The following ANKRD13B variants were observed in gnomAD, a reference collection of about 807,000 sequenced individuals.
ANKRD13B encodes ankyrin repeat domain 13B.
ANKRD13B carries 33 observed loss-of-function variants against 74.4 expected under a neutral mutation model. The ratio of observed to expected loss-of-function variants is 0.44; its 90% CI spans 0.34 to 0.59. The LOEUF is 0.59. Ranked by LOEUF, ANKRD13B falls within the 20% of genes least tolerant of loss-of-function variation. The pLI, the probability that ANKRD13B is intolerant of heterozygous loss-of-function variation, is 0.02. For synonymous variants in ANKRD13B, 341 were observed against 362.9 expected, an observed-to-expected ratio of 0.94 and a Z score of 0.68; for missense variants, 676 against 877.9, an observed-to-expected ratio of 0.77 and a Z score of 2.91.
Position 29,612,026 on chromosome 17 carries a change from T to G in ANKRD13B, c.1100+20T>G. 6.2e-7 allele frequency: 1 copy of G among 1,607,762 alleles called. No homozygotes were observed. Among genetic ancestry groups the G allele is most frequent in the Non-Finnish European group, 8.5e-7 (1 of 1,176,834 alleles). On this transcript the variant is annotated intron_variant, in intron 10 of 14. Coordinates refer to ENST00000394859, the MANE Select transcript of ANKRD13B (RefSeq NM_152345.5). The surrounding 1 kb of genome is among the most constrained non-coding windows in gnomAD (Gnocchi z 6.1). ...ACAGAAGTGAGGCCCCTGCCGGTGC[T>G]GGGAAGGTGGGGGGCCGGGGCTCCA...
At chr17:29,602,320 G>A (rs918613952) in intron 1 of ANKRD13B, among the ~76,000 whole-genome samples, 32 of 152,054 alleles carry the variant, frequency 2.1e-4, no homozygotes, top group African/African-American at 7.7e-4. Flanking sequence ...GCGTGAACCG[G>A]GGAAGCGGAG....
rs2034585273 is a variant in ANKRD13B at position 29,611,699 on chromosome 17, A to G, written c.969+56A>G. On this transcript the variant is annotated intron_variant, in intron 9 of 14. Coordinates refer to ENST00000394859, the MANE Select transcript of ANKRD13B (RefSeq NM_152345.5). The surrounding 1 kb of genome is among the most constrained non-coding windows in gnomAD (Gnocchi z 4.3). Reference sequence around the variant, plus strand: ...AGGGATGTGGATGTGGCTCAGGAGGAGGCTTGGGAAGCGTCCTGCTTAGCA... The same window carrying G: ...AGGGATGTGGATGTGGCTCAGGAGGGGGCTTGGGAAGCGTCCTGCTTAGCA... 6.3e-7 allele frequency: 1 copy of G among 1,599,106 alleles called. No individual in the cohort carries two copies.
At chr17:29,601,361 A>G (rs772080651) in intron 1 of ANKRD13B, among the ~76,000 whole-genome samples, 4 of 151,706 alleles carry the variant, frequency 2.6e-5, no homozygotes, top group Non-Finnish European at 5.9e-5. Flanking sequence ...AGCTGGGATT[A>G]CAGGAATCCC....
intron 8 of ANKRD13B, 62 bp downstream of exon 8, chr17:29,610,828 C>T (rs966601946): frequency 4.3e-5 from 65 of 1,503,892 alleles, no homozygotes; most frequent in Middle Eastern, 1.8e-4. Context: ...GCTCCCACTT[C>T]AGTGCTTCCA....
chr17:29,609,281 T>C lies in ANKRD13B; in HGVS notation c.755+6T>C, dbSNP rs757887091. 4.3e-6 allele frequency: 7 copies of C among 1,612,866 alleles called. No homozygotes were observed. Among genetic ancestry groups the C allele is most frequent in the Non-Finnish European group, 5.9e-6 (7 of 1,179,582 alleles). On this transcript the variant is annotated splice_donor_region_variant and intron_variant, in intron 6 of 14. Coordinates refer to ENST00000394859, the MANE Select transcript of ANKRD13B (RefSeq NM_152345.5). This position sits in a 1 kb window ranked among gnomAD's most constrained non-coding sequence, Gnocchi z 4.0. The stretch of plus-strand genomic sequence containing the variant: ...AAGAATATCTCCTTTGAGAGGTGGG[T>C]GGACATGGCCTTGGTCACCCTTGAG...
intron 1 of ANKRD13B, among the ~76,000 whole-genome samples, chr17:29,606,711 TG>T (rs2034390640): frequency 8.4e-6 from 1 of 118,500 alleles, no homozygotes; most frequent in Non-Finnish European, 1.6e-5. Flanking sequence ...GGTGACATAG[TG>T]AGACCCTGTC....
Position 29,613,628 on chromosome 17 carries a change from G to C in ANKRD13B, c.*46G>C, listed in dbSNP as rs1295724945. The C allele has an allele frequency of 1.2e-5, 17 of 1,393,032 alleles. No individual in the cohort carries two copies. The highest frequency in any genetic ancestry group is 1.5e-5 in the Non-Finnish European group (16 of 1,075,838). 86.3% of individuals were successfully genotyped at this position (1,393,032 alleles called of 1,614,324 possible). ...GCCAGCGCCACGCGCGCCACGCCCA[G>C]GGCCAGGAGCCAGACAAACCCCGGC... is the stretch of plus-strand genomic sequence containing the variant. On this transcript the variant is annotated 3_prime_UTR_variant, in exon 15 of 15. Transcript: ENST00000394859.
intron 1 of ANKRD13B, among the ~76,000 whole-genome samples, chr17:29,602,166 C>T (rs1374040133): frequency 3.3e-5 from 5 of 152,070 alleles, no homozygotes; most frequent in African/African-American, 9.7e-5. Flanking sequence ...GAGGCCGAGG[C>T]GGGCGGATCA....
At chr17:29,593,765 C>A (rs1240076185) in intron 1 of ANKRD13B, 30 bp downstream of exon 1, 1 of 1,331,332 alleles carries the variant, frequency 7.5e-7, no homozygotes, top group African/African-American at 1.6e-5. Flanking sequence ...GCCGCGGGGA[C>A]CCCGCGGCCG....
At position 29,598,796 on chromosome 17, in the gene ANKRD13B, C is replaced by G. The variant is rs966385228; in HGVS notation, c.114+5061C>G. On this transcript the variant is annotated intron_variant, in intron 1 of 14. Transcript: ENST00000394859. ...GAACTCCTGAGCTCAAGTGATCCAC[C>G]TACTTTGGCCTCCCAAAGTGCTGGG... is the stretch of plus-strand genomic sequence containing the variant. Among the ~76,000 whole-genome samples the G allele has an allele frequency of 5.1e-4, 78 of 152,334 alleles. 1 individual carries two copies. The highest frequency in any genetic ancestry group is 1.7e-3 in the African/African-American group (70 of 41,566).
intron 1 of ANKRD13B, among the ~76,000 whole-genome samples, chr17:29,597,244 G>T (rs2033986601): frequency 6.6e-6 from 1 of 152,196 alleles, no homozygotes. Context: ...AGTTTGGAAA[G>T]TACCCTGCTA....
At position 29,607,343 on chromosome 17, in the gene ANKRD13B, T is replaced by C. The variant is rs544583208; in HGVS notation, c.115-399T>C. Reference sequence around the variant, plus strand: ...TGAAGGTGGCCTGGGACCCTTAGGGTAGGTCTGGTCCCAGGTGAGCTCCTT... The same window carrying C: ...TGAAGGTGGCCTGGGACCCTTAGGGCAGGTCTGGTCCCAGGTGAGCTCCTT... On this transcript the variant is annotated intron_variant, in intron 1 of 14. Transcript: ENST00000394859. Among the ~76,000 whole-genome samples, 8 of 152,110 alleles carry C rather than the reference T, an allele frequency of 5.3e-5. No homozygotes were observed. The East Asian group carries it at 1.5e-3, about 29-fold the overall frequency.
chr17:29,593,785 G>A (rs1360929564), intron 1 of ANKRD13B, 50 bp downstream of exon 1: 4 of 1,192,018 alleles, frequency 3.4e-6, no homozygotes, highest in African/African-American at 3.3e-5. Context: ...GGGCACGCCC[G>A]TCCGGCCTGG....
chr17:29,607,089 T>C (rs2034417693), intron 1 of ANKRD13B, among the ~76,000 whole-genome samples: 1 of 152,114 alleles, frequency 6.6e-6, no homozygotes, highest in Admixed American at 6.6e-5. Flanking sequence ...AAAAAGCTTT[T>C]ATCACTTTTA....
Position 29,593,690 on chromosome 17 carries a change from G to A in ANKRD13B, c.69G>A (p.Trp23Ter). The change falls in exon 1 of 15, where the codon TGG becomes TGA. Residue 23 changes from tryptophan (W) to a stop codon, truncating the protein, a stop_gained. Transcript: ENST00000394859. LOFTEE classifies it high-confidence loss of function. The part of the protein sequence containing the change: ...EGKYPLHYLV[W>*]HNRHRELEKE... ...AGTATCCGCTGCACTACCTCGTGTGGCACAACCGCCACCGCGAGCTGGAGA... is the reference window on the plus strand; with the variant it reads ...AGTATCCGCTGCACTACCTCGTGTGACACAACCGCCACCGCGAGCTGGAGA... 6.9e-7 allele frequency: 1 copy of A among 1,444,036 alleles called. No homozygotes were observed. Among genetic ancestry groups the A allele is most frequent in the Non-Finnish European group, 9.2e-7 (1 of 1,089,926 alleles). The allele number at this position is 1,444,036 out of a possible 1,614,324, so 89.5% of individuals were successfully genotyped here.
Position 29,612,752 on chromosome 17 carries a change from C to T in ANKRD13B, c.1512C>T (p.Asp504=). 1 of 1,602,450 alleles carries T rather than the reference C, an allele frequency of 6.2e-7. No homozygotes were observed. ...GGGAGGCGGCGACCCGGGACGACGA[C>T]GACGACCTGCTGCAATTCGCCATCC... is the stretch of plus-strand genomic sequence containing the variant. ...GQREAATRDD[D]DDLLQFAIQQ... is the part of the protein sequence containing the mutation. Residue 504 remains aspartate, a synonymous_variant, in exon 13 of 15, where the codon GAC becomes GAT. Coordinates refer to ENST00000394859, the MANE Select transcript of ANKRD13B (RefSeq NM_152345.5). This position sits in a 1 kb window ranked among gnomAD's most constrained non-coding sequence, Gnocchi z 6.1.
rs561321755 is a variant in ANKRD13B, at chr17:29,613,650, C to A, written c.*68C>A. Reference sequence around the variant, plus strand: ...CCAGGGCCAGGAGCCAGACAAACCCCGGCCTGCGCGCCTGCAGAGCGGCGG... The same window carrying A: ...CCAGGGCCAGGAGCCAGACAAACCCAGGCCTGCGCGCCTGCAGAGCGGCGG... On this transcript the variant is annotated 3_prime_UTR_variant, in exon 15 of 15. Coordinates refer to ENST00000394859, the MANE Select transcript of ANKRD13B (RefSeq NM_152345.5). 6.5e-6 allele frequency: 9 copies of A among 1,374,498 alleles called. No homozygotes were observed. The African/African-American group carries it at 1.4e-4, about 21-fold the overall frequency. The allele number at this position is 1,374,498 out of a possible 1,614,324, so 85.1% of individuals were successfully genotyped here. A position where few individuals can be genotyped will look rare whatever the true frequency, so the allele number is the denominator to read the frequency against.
chr17:29,593,895 A>ATGGTAGCGGGCCCTGCCCGC, intron 1 of ANKRD13B, 160 bp downstream of exon 1: 1 of 315,506 alleles, frequency 3.2e-6, no homozygotes. Flanking sequence ...GGAAAGGGTG[A>ATGGTAGCGGGCCCTGCCCGC]TCCCCTCCGG....
Position 29,609,467 on chromosome 17 carries a change from A to G in ANKRD13B, c.822+46A>G, listed in dbSNP as rs114355910. The G allele has an allele frequency of 0.027, 44,014 of 1,603,580 alleles. 769 individuals are homozygous for G. Among genetic ancestry groups the G allele is most frequent in the African/African-American group, 0.067 (4,989 of 74,822 alleles). ...TGCCAGCCCAGCTGCACTCTTGCCT[A>G]CAGCAAGCTGTACAGGGGATTCTGA... On this transcript the variant is annotated intron_variant, in intron 7 of 14. Transcript: ENST00000394859. The surrounding 1 kb of genome is among the most constrained non-coding windows in gnomAD (Gnocchi z 4.0).
Sources: gnomAD v4.1 joint callset for allele counts (sites outside exome capture counted in the v4.1 genomes callset) on GRCh38, gnomAD v4.1.1 for gene constraint, Gnocchi (gnomAD v3.1) non-coding constraint, MANE v1.5 for transcripts, NCBI Gene and HGNC (gene_info 2026-07-23, HGNC 2026-07-21) for gene names.